EXTL3: variants seen among roughly 807,000 people sequenced by gnomAD.
EXTL3 encodes exostosin like glycosyltransferase 3, also known as exostosin-like 3.
Under a neutral mutation model 69.3 loss-of-function variants are expected in EXTL3, and 27 were observed. That is an observed-to-expected ratio of 0.39 (90% CI 0.29 to 0.54). The LOEUF (loss-of-function observed/expected upper bound fraction) is 0.54, where lower values mean the gene tolerates loss of function less well. Ranked by LOEUF, EXTL3 falls within the 20% of genes least tolerant of loss-of-function variation. The pLI is 0.69. For missense variants in EXTL3, 1,003 were observed against 1,231.8 expected (o/e 0.81, Z 2.78); for synonymous variants, 511 against 499.4 (o/e 1.02, Z -0.31).
At chr8:28,718,425 G>A (rs1801214660) in intron 3 of EXTL3, among the ~76,000 whole-genome samples, 1 of 151,968 alleles carries the variant, frequency 6.6e-6, no homozygotes, top group Non-Finnish European at 1.5e-5. Context: ...TTCCTAAATC[G>A]AGGATCCCCA....
At chr8:28,627,193 A>T (rs1806505090) in intron 1 of EXTL3, among the ~76,000 whole-genome samples, 2 of 150,900 alleles carry the variant, frequency 1.3e-5, no homozygotes, top group Admixed American at 6.6e-5. Context: ...ATCTCAAAAA[A>T]AAAAAATTAA....
At chr8:28,620,543 A>T (rs1291857668), upstream of EXTL3, among the ~76,000 whole-genome samples, 1 of 152,090 alleles carries the variant, frequency 6.6e-6, no homozygotes, top group Non-Finnish European at 1.5e-5. Context: ...AGGCATTTGG[A>T]CCGGAATCCA....
At chr8:28,668,025 G>A (rs577135696) in intron 1 of EXTL3, among the ~76,000 whole-genome samples, 1 of 151,950 alleles carries the variant, frequency 6.6e-6, no homozygotes, top group Non-Finnish European at 1.5e-5. Flanking sequence ...CACTTTGGGG[G>A]ATTGAGGTGG....
intron 1 of EXTL3, among the ~76,000 whole-genome samples, chr8:28,640,837 C>T (rs1260178012): frequency 3.3e-5 from 5 of 152,140 alleles, no homozygotes; most frequent in Admixed American, 2.0e-4. Context: ...CCTGGGCTCA[C>T]GTGATCCTCC....
intron 1 of EXTL3, among the ~76,000 whole-genome samples, chr8:28,622,993 C>T (rs2130545253): frequency 6.6e-6 from 1 of 151,852 alleles, no homozygotes; most frequent in South Asian, 2.1e-4. Flanking sequence ...GCCCGCGGGC[C>T]GGACGTGGGG....
At chr8:28,658,041 A>G (rs1436225268) in intron 1 of EXTL3, among the ~76,000 whole-genome samples, 1 of 152,088 alleles carries the variant, frequency 6.6e-6, no homozygotes, top group Admixed American at 6.6e-5. Flanking sequence ...GTGGGGTTGG[A>G]CTCTGGCTGA....
intron 1 of EXTL3, among the ~76,000 whole-genome samples, chr8:28,659,746 T>G (rs1246688773): frequency 6.6e-6 from 1 of 152,202 alleles, no homozygotes; most frequent in African/African-American, 2.4e-5. Flanking sequence ...AAAGAGCTGC[T>G]TTTAAGCTTT....
rs768888582 is a variant in EXTL3, at chr8:28,716,840, T to C, written c.781T>C (p.Tyr261His). Residue 261 changes from tyrosine to histidine, a missense_variant, in exon 3 of 7, where the codon TAT becomes CAT. By Grantham distance (83) the Tyr-to-His change is moderately conservative. This residue lies in a region of EXTL3 where 742 missense variants were observed against 815.4 expected (regional missense o/e 0.91). Coordinates refer to ENST00000220562, the MANE Select transcript of EXTL3 (RefSeq NM_001440.4). This position sits in a 1 kb window ranked among gnomAD's most constrained non-coding sequence, Gnocchi z 7.1. ...GCCTGCTGAGCTGGAGAAGCAGTTG[T>C]ATTCCCTGCCACACTGGCGGACGGA... is the stretch of plus-strand genomic sequence containing the variant. ...LRPAELEKQL[Y>H]SLPHWRTDGH... The C allele has an allele frequency of 3.1e-6, 5 of 1,614,054 alleles. No homozygotes were observed. The highest frequency in any genetic ancestry group is 4.2e-6 in the Non-Finnish European group (5 of 1,180,036).
At chr8:28,645,858 A>G (rs1470517471) in intron 1 of EXTL3, among the ~76,000 whole-genome samples, 1 of 145,114 alleles carries the variant, frequency 6.9e-6, no homozygotes, top group African/African-American at 2.6e-5. Flanking sequence ...TTATTCTCTT[A>G]TTGATTGATT....
intron 2 of EXTL3, among the ~76,000 whole-genome samples, 185 bp from the exon 3 acceptor site, chr8:28,715,400 C>T (rs1306855566): frequency 6.6e-6 from 1 of 152,144 alleles, no homozygotes; most frequent in Non-Finnish European, 1.5e-5. Context: ...TTTATTACCC[C>T]AAGTAAAAGA....
chr8:28,717,805 G>A lies in EXTL3; in HGVS notation c.1746G>A (p.Pro582=), dbSNP rs1426115254. 9.9e-6 allele frequency: 16 copies of A among 1,612,178 alleles called. No individual in the cohort carries two copies. Among genetic ancestry groups the A allele is most frequent in the African/African-American group, 4.0e-5 (3 of 74,866 alleles). ...ACCTGGGGCCAGTGGAGACGGAGCC[G>A]CCCTACGCCTCACCCAGATACCTCC... ...DLDLGPVETE[P]PYASPRYLRN... is the part of the protein sequence containing the mutation. The change falls in exon 3 of 7, where the codon CCG becomes CCA. Residue 582 remains proline, a synonymous_variant. Coordinates refer to ENST00000220562, the MANE Select transcript of EXTL3 (RefSeq NM_001440.4). This position sits in a 1 kb window ranked among gnomAD's most constrained non-coding sequence, Gnocchi z 8.3.
intron 2 of EXTL3, among the ~76,000 whole-genome samples, chr8:28,714,904 A>G (rs994954708): frequency 6.6e-6 from 1 of 152,244 alleles, no homozygotes; most frequent in African/African-American, 2.4e-5. Flanking sequence ...GTCAGCAAAG[A>G]AGGAGAACGA....
chr8:28,683,545 T>G (rs999902245), intron 1 of EXTL3, among the ~76,000 whole-genome samples: 7 of 152,192 alleles, frequency 4.6e-5, no homozygotes, highest in Non-Finnish European at 8.8e-5. Context: ...CCGGGTGAGG[T>G]AGCTCACACC....
rs1802068713 is a variant in EXTL3, at chr8:28,754,035, T to TGC, written c.*3170_*3171insCG. On this transcript the variant is annotated 3_prime_UTR_variant, in exon 7 of 7. Coordinates refer to ENST00000220562, the MANE Select transcript of EXTL3 (RefSeq NM_001440.4). ...TTTTTTCATGGGAATTTAAAATGCG[T>TGC]GTGTGTGTGTGTGTGTGTGTGTGTG... is the stretch of plus-strand genomic sequence containing the variant. The TGC allele has an allele frequency of 6.8e-6, 1 of 146,802 alleles. No homozygotes were observed. The highest frequency in any genetic ancestry group is 1.5e-5 in the Non-Finnish European group (1 of 65,686). 9.1% of individuals were successfully genotyped at this position (146,802 alleles called of 1,614,324 possible).
chr8:28,640,341 CTCTT>C (rs961533108), intron 1 of EXTL3, among the ~76,000 whole-genome samples: 5 of 152,090 alleles, frequency 3.3e-5, no homozygotes, highest in African/African-American at 1.2e-4. Flanking sequence ...TCTATTCTTT[CTCTT>C]TATTTATGTG....
chr8:28,620,724 T>C (rs182898986), upstream of EXTL3, among the ~76,000 whole-genome samples: 7 of 152,220 alleles, frequency 4.6e-5, no homozygotes, highest in East Asian at 1.3e-3. Context: ...TTTTCTTTTC[T>C]TTTTTTTAAG....
upstream of EXTL3, among the ~76,000 whole-genome samples, chr8:28,619,310 A>C (rs893543243): frequency 5.7e-5 from 7 of 122,848 alleles, no homozygotes; most frequent in South Asian, 2.6e-4. Context: ...AAAAAAAAAA[A>C]AAAAACCCTG....
chr8:28,698,305 A>G (rs985539355), upstream of EXTL3: 5 of 152,186 alleles, frequency 3.3e-5, no homozygotes, highest in African/African-American at 9.7e-5. Flanking sequence ...AGGGGTAAAG[A>G]TGAGTTCAGT....
chr8:28,690,392 A>G (rs1292171633), intron 1 of EXTL3, among the ~76,000 whole-genome samples: 1 of 151,960 alleles, frequency 6.6e-6, no homozygotes, highest in Non-Finnish European at 1.5e-5. Flanking sequence ...TTGAAAATAC[A>G]AATATTTATT....
Sources: allele counts gnomAD v4.1 joint callset (sites outside exome capture counted in the v4.1 genomes callset), GRCh38; gene constraint gnomAD v4.1.1; regional missense constraint gnomAD v4.1.1; non-coding constraint Gnocchi (gnomAD v3.1); transcripts MANE v1.5; gene names NCBI Gene and HGNC (gene_info 2026-07-23, HGNC 2026-07-21).